SYT14: variants seen among roughly 807,000 people sequenced by gnomAD.
SYT14 encodes synaptotagmin 14, also known as synaptotagmin-14.
SYT14 carries 32 observed loss-of-function variants against 74.2 expected under a neutral mutation model. The ratio of observed to expected loss-of-function variants is 0.43; its 90% CI spans 0.33 to 0.58. The LOEUF is 0.58. Ranked by LOEUF, SYT14 falls within the 20% of genes least tolerant of loss-of-function variation. The pLI is 0.05. For missense variants in SYT14, 791 were observed against 981.8 expected (o/e 0.81, Z 2.60); for synonymous variants, 298 against 337.7 (o/e 0.88, Z 1.29).
At chr1:210,116,208 C>T (rs1023338706) in intron 7 of SYT14, among the ~76,000 whole-genome samples, 1 of 152,140 alleles carries the variant, frequency 6.6e-6, no homozygotes, top group Admixed American at 6.5e-5. Context: ...AGGCCTGACA[C>T]TAATTATTGC....
chr1:210,123,953 A>G (rs1472804873), intron 7 of SYT14, among the ~76,000 whole-genome samples: 3 of 152,224 alleles, frequency 2.0e-5, no homozygotes, highest in Non-Finnish European at 4.4e-5. Flanking sequence ...AGGAACAGTC[A>G]TAGAAAAAAG....
intron 7 of SYT14, among the ~76,000 whole-genome samples, chr1:210,125,328 C>T (rs1478051389): frequency 1.3e-5 from 2 of 151,444 alleles, no homozygotes; most frequent in Non-Finnish European, 2.9e-5. Context: ...TCTGTTTCTG[C>T]GCTAATTCAC....
intron 7 of SYT14, among the ~76,000 whole-genome samples, chr1:210,146,128 A>T (rs779086000): frequency 1.3e-5 from 2 of 152,170 alleles, no homozygotes; most frequent in Non-Finnish European, 2.9e-5. Context: ...ACCTGAGGTC[A>T]GGAGTTCAAG....
intron 5 of SYT14, among the ~76,000 whole-genome samples, chr1:210,079,313 AATATAACAATT>A (rs2081575634): frequency 6.6e-6 from 1 of 152,290 alleles, no homozygotes; most frequent in South Asian, 2.1e-4. Context: ...ACCATCACAC[AATATAACAATT>A]ATATAACTAT....
chr1:210,062,539 G>C (rs1482251309), intron 5 of SYT14, among the ~76,000 whole-genome samples: 2 of 151,382 alleles, frequency 1.3e-5, no homozygotes, highest in Non-Finnish European at 3.0e-5. Context: ...TCAATAAATA[G>C]GCAGGAAGAT....
At chr1:209,988,766 G>C (rs753576819) in intron 2 of SYT14, among the ~76,000 whole-genome samples, 97 of 152,202 alleles carry the variant, frequency 6.4e-4, no homozygotes, top group Non-Finnish European at 1.3e-3. Flanking sequence ...TGTAAGATTT[G>C]GCATGTCTTC....
chr1:209,996,145 A>C (rs917827240), intron 2 of SYT14, among the ~76,000 whole-genome samples: 12 of 152,144 alleles, frequency 7.9e-5, no homozygotes, highest in African/African-American at 2.9e-4. Flanking sequence ...GAATTTAATG[A>C]AATTGAGCTA....
chr1:209,988,972 C>A (rs980136944), intron 2 of SYT14, among the ~76,000 whole-genome samples: 11 of 152,216 alleles, frequency 7.2e-5, no homozygotes, highest in African/African-American at 2.7e-4. Context: ...CCAGGTTTAT[C>A]TCCTCAACAC....
At chr1:209,976,776 C>G (rs568867045) in intron 2 of SYT14, among the ~76,000 whole-genome samples, 1 of 152,074 alleles carries the variant, frequency 6.6e-6, no homozygotes, top group Non-Finnish European at 1.5e-5. Context: ...TTTCTGTCTT[C>G]GTTGATCTGT....
intron 5 of SYT14, among the ~76,000 whole-genome samples, chr1:210,057,371 G>C (rs1204392368): frequency 6.6e-6 from 1 of 152,096 alleles, no homozygotes; most frequent in Non-Finnish European, 1.5e-5. Context: ...AACCTATTTA[G>C]CACTGCATTT....
chr1:210,145,436 T>G (rs1156457295), intron 7 of SYT14, among the ~76,000 whole-genome samples: 3 of 152,220 alleles, frequency 2.0e-5, no homozygotes, highest in Non-Finnish European at 4.4e-5. Flanking sequence ...GCATTTCATG[T>G]CTTTCATGAT....
At chr1:210,031,840 A>G (rs2080543293) in intron 5 of SYT14, among the ~76,000 whole-genome samples, 1 of 152,108 alleles carries the variant, frequency 6.6e-6, no homozygotes, top group Non-Finnish European at 1.5e-5. Flanking sequence ...GGCCATTGTA[A>G]GACCTCAAAA....
rs568624580 is a variant in SYT14, at chr1:210,131,362, A to T, written c.2035-24359A>T. On this transcript the variant is annotated intron_variant, in intron 7 of 9. Transcript: ENST00000637265. ...AATTTTAAAAAATTTTCTCCCTTTT[A>T]TATGAATAGTCTTATTAATATATGT... Among the ~76,000 whole-genome samples the T allele has an allele frequency of 5.0e-4, 76 of 152,178 alleles. No homozygotes were observed. The South Asian group carries it at 0.016, about 32-fold the overall frequency.
At chr1:210,093,686 A>T (rs146347309) in intron 5 of SYT14, among the ~76,000 whole-genome samples, 4 of 152,326 alleles carry the variant, frequency 2.6e-5, no homozygotes, top group Non-Finnish European at 5.9e-5. Flanking sequence ...GAGTGCCCTT[A>T]TAATGGAGAA....
chr1:210,092,057 T>C (rs1283168573), intron 5 of SYT14, among the ~76,000 whole-genome samples: 1 of 152,228 alleles, frequency 6.6e-6, no homozygotes, highest in Non-Finnish European at 1.5e-5. Flanking sequence ...CAGTGGCTAA[T>C]TAAATATGTA....
chr1:210,108,747 A>G (rs2082204857), intron 7 of SYT14, among the ~76,000 whole-genome samples: 1 of 152,228 alleles, frequency 6.6e-6, no homozygotes, highest in Non-Finnish European at 1.5e-5. Context: ...AGATCATGAA[A>G]TAAGAGAGAA....
intron 2 of SYT14, among the ~76,000 whole-genome samples, chr1:209,993,065 G>C (rs1379950639): frequency 6.6e-6 from 1 of 152,170 alleles, no homozygotes; most frequent in African/African-American, 2.4e-5. Context: ...TCTTGCTGGG[G>C]ATAGGCAGAG....
intron 5 of SYT14, among the ~76,000 whole-genome samples, chr1:210,090,676 G>C (rs529406592): frequency 1.3e-5 from 2 of 152,244 alleles, no homozygotes; most frequent in African/African-American, 4.8e-5. Context: ...GCATCATCAC[G>C]TGGTGTTTGA....
At chr1:209,966,559 G>C (rs993218887) in intron 2 of SYT14, among the ~76,000 whole-genome samples, 35 of 152,048 alleles carry the variant, frequency 2.3e-4, no homozygotes, top group East Asian at 1.9e-4. Context: ...TTAAACATTT[G>C]ATCAGATATA....
Sources: gnomAD v4.1 joint callset for allele counts (sites outside exome capture counted in the v4.1 genomes callset) on GRCh38, gnomAD v4.1.1 for gene constraint, MANE v1.5 for transcripts, NCBI Gene and HGNC (gene_info 2026-07-23, HGNC 2026-07-21) for gene names.